Variants in CAPN3 observed in about 807,000 individuals in gnomAD.
CAPN3 encodes the protein calpain 3, also known as calpain-3.
A neutral mutation model predicts 114.0 loss-of-function variants in CAPN3; 88 were observed. The ratio of observed to expected loss-of-function variants is 0.77; its 90% CI spans 0.65 to 0.92. CAPN3 has a LOEUF of 0.92. Ranked by LOEUF, CAPN3 falls within the 40% of genes least tolerant of loss-of-function variation. The pLI, the probability that CAPN3 is intolerant of heterozygous loss-of-function variation, is 0.00. For missense variants in CAPN3, 1,028 were observed against 1,069.0 expected, an observed-to-expected ratio of 0.96 and a Z score of 0.53; for synonymous variants, 386 against 382.9, an observed-to-expected ratio of 1.01 and a Z score of -0.09.
intron 1 of CAPN3, among the ~76,000 whole-genome samples, chr15:42,360,599 A>G (rs553620951): frequency 7.2e-5 from 11 of 152,302 alleles, no homozygotes; most frequent in African/African-American, 2.6e-4. Context: ...CAGAAACCCT[A>G]GAAAGAGAAG....
intron 12 of CAPN3, 182 bp from the exon 13 acceptor site, chr15:42,402,612 A>G (rs915417249): frequency 4.0e-6 from 6 of 1,518,496 alleles, no homozygotes; most frequent in African/African-American, 1.4e-5. Context: ...CTGAATCACA[A>G]CAGAAAAGGA....
chr15:42,409,196 A>T, intron 16 of CAPN3, 107 bp from the exon 17 acceptor site: 1 of 971,544 alleles, frequency 1.0e-6, no homozygotes, highest in Non-Finnish European at 1.6e-6. Context: ...TCCTGCTGCC[A>T]CCTCCGGCCG....
chr15:42,388,824 A>C, intron 4 of CAPN3, 104 bp from the exon 5 acceptor site: 1 of 915,956 alleles, frequency 1.1e-6, no homozygotes. Flanking sequence ...AATTGATGAA[A>C]GAACATCACA....
intron 8 of CAPN3, 49 bp from the exon 9 acceptor site, chr15:42,396,751 C>T (rs780220983): frequency 7.0e-7 from 1 of 1,431,474 alleles, no homozygotes; most frequent in African/African-American, 1.4e-5. Context: ...CAACCTACAT[C>T]AGGCCTTCCC....
rs184526584 is a variant in CAPN3, at chr15:42,411,672, C to G, written c.2440-75C>G. The G allele has an allele frequency of 4.6e-6, 4 of 876,600 alleles. No individual in the cohort carries two copies. Among genetic ancestry groups the G allele is most frequent in the South Asian group, 1.3e-5 (1 of 75,828 alleles). 54.3% of individuals were successfully genotyped at this position (876,600 alleles called of 1,614,324 possible). A position where few individuals can be genotyped will look rare whatever the true frequency, so the allele number is the denominator to read the frequency against. ...GGGACTGTTCCCTTTCCTCTTGCCC[C>G]GTAAGATTCCTAGGGCGGGGGGGGG... On this transcript the variant is annotated intron_variant, in intron 23 of 23. Transcript: ENST00000397163.
Position 42,411,860 on chromosome 15 carries a change from C to G in CAPN3, c.*87C>G. On this transcript the variant is annotated 3_prime_UTR_variant, in exon 24 of 24. Transcript: ENST00000397163. Reference sequence around the variant, plus strand: ...TTCCAAAGCCATTTACCTCAAAGGACCCAGCAGCTACACCCCTACAGGCTT... The same window carrying G: ...TTCCAAAGCCATTTACCTCAAAGGAGCCAGCAGCTACACCCCTACAGGCTT... 6.2e-7 allele frequency: 1 copy of G among 1,610,336 alleles called. No homozygotes were observed. The highest frequency in any genetic ancestry group is 2.2e-5 in the East Asian group (1 of 44,790).
intron 14 of CAPN3, chr15:42,404,262 C>T (rs1480271635): frequency 2.2e-6 from 1 of 456,546 alleles, no homozygotes; most frequent in Non-Finnish European, 4.4e-6. Context: ...GATAATGTGC[C>T]TTGCAAGGCT....
At chr15:42,377,564 A>G (rs2053122408) in intron 1 of CAPN3, among the ~76,000 whole-genome samples, 1 of 152,114 alleles carries the variant, frequency 6.6e-6, no homozygotes, top group African/African-American at 2.4e-5. Context: ...GTTGTATTTG[A>G]GTTGCTCATA....
Position 42,402,971 on chromosome 15 carries a change from C to T in CAPN3, c.1714C>T (p.Arg572Trp), listed in dbSNP as rs863224959. The change falls in exon 13 of 24, where the codon CGG (arginine) becomes TGG (tryptophan). Residue 572 changes from arginine to tryptophan, a missense_variant. By Grantham distance (101) the Arg-to-Trp change is moderately radical. Transcript: ENST00000397163. ...CCACCAGGAGGGGGAATTCATCCTC[C>T]GGGTCTTCTCTGAAAAGAGGAACCT... ...EPHQEGEFILRVFSEKRNLSE... is the reference protein window; with the variant it reads ...EPHQEGEFILWVFSEKRNLSE... 1.4e-5 allele frequency: 23 copies of T among 1,614,042 alleles called. No homozygotes were observed. The highest frequency in any genetic ancestry group is 3.3e-4 in the Middle Eastern group (2 of 6,084).
rs577214421 is a variant in CAPN3 at position 42,385,531 on chromosome 15, C to G, written c.380-636C>G. ...CCTATTATATATATATATACACACACAGAGAGAGAGAGAGAGAGAGAGAGA... is the reference window on the plus strand; with the variant it reads ...CCTATTATATATATATATACACACAGAGAGAGAGAGAGAGAGAGAGAGAGA... On this transcript the variant is annotated intron_variant, in intron 2 of 23. Coordinates refer to ENST00000397163, the MANE Select transcript of CAPN3 (RefSeq NM_000070.3). 2.1e-3 allele frequency: 767 copies of G among 361,094 alleles called. 2 individuals are homozygous for G. Among genetic ancestry groups the G allele is most frequent in the South Asian group, 4.6e-3 (220 of 47,382 alleles). 22.4% of individuals were successfully genotyped at this position (361,094 alleles called of 1,614,324 possible). A position where few individuals can be genotyped will look rare whatever the true frequency, so the allele number is the denominator to read the frequency against.
At chr15:42,367,484 A>C (rs938226784) in intron 1 of CAPN3, among the ~76,000 whole-genome samples, 1 of 152,198 alleles carries the variant, frequency 6.6e-6, no homozygotes, top group Admixed American at 6.5e-5. Context: ...TCACCATCAG[A>C]ACTTTCAGAA....
At position 42,402,138 on chromosome 15, in the gene CAPN3, A is replaced by G. The variant is rs939374091; in HGVS notation, c.1536+3A>G. The G allele has an allele frequency of 6.2e-7, 1 of 1,614,072 alleles. No individual in the cohort carries two copies. The highest frequency in any genetic ancestry group is 2.2e-5 in the East Asian group (1 of 44,866). On this transcript the variant is annotated splice_donor_region_variant and intron_variant, in intron 12 of 23. Coordinates refer to ENST00000397163, the MANE Select transcript of CAPN3 (RefSeq NM_000070.3). Reference sequence around the variant, plus strand: ...TTCTTCTCAAGGTTCCCAAAGAGGTATAGCAGCAGCAGCGGCCAGCAGTTG... The same window carrying G: ...TTCTTCTCAAGGTTCCCAAAGAGGTGTAGCAGCAGCAGCGGCCAGCAGTTG...
In CAPN3 at chr15:42,410,908, A is replaced by G. The variant is rs764459544; in HGVS notation, c.2288A>G (p.Tyr763Cys). 6 of 1,614,160 alleles carry G rather than the reference A, an allele frequency of 3.7e-6. No individual in the cohort carries two copies. Among genetic ancestry groups the G allele is most frequent in the Admixed American group, 1.7e-5 (1 of 60,028 alleles). Residue 763 changes from tyrosine to cysteine, a missense_variant, in exon 22 of 24, where the codon TAT (tyrosine) becomes TGT (cysteine). Transcript: ENST00000397163. ...DAGFHLNNQL[Y>C]DIITMRYADK... ...GGATTCCACCTCAACAACCAGCTCT[A>G]TGACATCATTACCATGCGGTACGCA... is the stretch of plus-strand genomic sequence containing the variant.
At chr15:42,364,708 G>A (rs1414624548) in intron 1 of CAPN3, among the ~76,000 whole-genome samples, 4 of 152,194 alleles carry the variant, frequency 2.6e-5, no homozygotes, top group African/African-American at 9.7e-5. Context: ...ACAAAAGAGG[G>A]ATCACACTTG....
At position 42,394,295 on chromosome 15, in the gene CAPN3, C is replaced by T. The variant is rs774273767; in HGVS notation, c.1069C>T (p.Arg357Trp). 9 of 1,563,212 alleles carry T rather than the reference C, an allele frequency of 5.8e-6. No individual in the cohort carries two copies. The highest frequency in any genetic ancestry group is 3.8e-5 in the Admixed American group (2 of 52,360). ...KGEKVKLVRL[R>W]NPWGQVEWNG... ...TGAGAAAGTGAAGCTGGTGCGGCTG[C>T]GGAATCCGTGGGGCCAGGTGGAGTG... Residue 357 changes from arginine (R) to tryptophan (W), a missense_variant, in exon 8 of 24, where the codon CGG becomes TGG. Arg to Trp is a moderately radical substitution (Grantham distance 101). Transcript: ENST00000397163.
chr15:42,407,275 TGAG>T (rs1439348667), intron 15 of CAPN3, among the ~76,000 whole-genome samples: 6 of 152,150 alleles, frequency 3.9e-5, no homozygotes, highest in African/African-American at 1.4e-4. Context: ...AAGAGCCCTA[TGAG>T]GAGGGAAAGC....
chr15:42,403,628 A>C, intron 13 of CAPN3, 113 bp from the exon 14 acceptor site: 2 of 964,114 alleles, frequency 2.1e-6, no homozygotes, highest in Non-Finnish European at 3.4e-6. Flanking sequence ...GGGGTTCTCT[A>C]GAGGCTGGTT....
At position 42,409,930 on chromosome 15, in the gene CAPN3, G is replaced by A; in HGVS notation, c.2051-1G>A. On this transcript the variant is annotated splice_acceptor_variant, in intron 18 of 23. Coordinates refer to ENST00000397163, the MANE Select transcript of CAPN3 (RefSeq NM_000070.3). LOFTEE classifies it high-confidence loss of function. Reference sequence around the variant, plus strand: ...CTCCTCACTCTTCTCCATCCCCCCAGACAAGGACCTGAAGACACACGGGTT... The same window carrying A: ...CTCCTCACTCTTCTCCATCCCCCCAAACAAGGACCTGAAGACACACGGGTT... The A allele has an allele frequency of 6.2e-7, 1 of 1,612,656 alleles. No homozygotes were observed. The highest frequency in any genetic ancestry group is 8.5e-7 in the Non-Finnish European group (1 of 1,179,920).
At chr15:42,393,120 C>A (rs1424682417) in intron 7 of CAPN3, among the ~76,000 whole-genome samples, 2 of 152,170 alleles carry the variant, frequency 1.3e-5, no homozygotes, top group Non-Finnish European at 2.9e-5. Flanking sequence ...GTAACAAAAT[C>A]TGCAGATGCT....
Sources: allele counts gnomAD v4.1 joint callset (sites outside exome capture counted in the v4.1 genomes callset), GRCh38; gene constraint gnomAD v4.1.1; transcripts MANE v1.5; gene names NCBI Gene and HGNC (gene_info 2026-07-23, HGNC 2026-07-21).